The following YPEL2 variants were observed in gnomAD, a reference collection of about 807,000 sequenced individuals.
The protein encoded by YPEL2 is yippee like 2.
In YPEL2, 2 loss-of-function variants were observed where a neutral mutation model predicts 19.1. The ratio of observed to expected loss-of-function variants is 0.10; its 90% CI spans 0.04 to 0.33. YPEL2 has a LOEUF of 0.33. Ranked by LOEUF, YPEL2 falls within the 10% of genes least tolerant of loss-of-function variation. The pLI, the probability that YPEL2 is intolerant of heterozygous loss-of-function variation, is 1.00. For missense variants in YPEL2, 66 were observed against 140.7 expected (o/e 0.47, Z 2.68); for synonymous variants, 52 against 50.0 (o/e 1.04, Z -0.17).
At chr17:59,333,048 A>G (rs555534176) in intron 1 of YPEL2, among the ~76,000 whole-genome samples, 24 of 152,168 alleles carry the variant, frequency 1.6e-4, no homozygotes, top group African/African-American at 5.8e-4. Context: ...AGTTCAGTAA[A>G]CCGCCTCACT....
chr17:59,386,752 A>G (rs2047982181), intron 2 of YPEL2, among the ~76,000 whole-genome samples: 1 of 152,016 alleles, frequency 6.6e-6, no homozygotes, highest in South Asian at 2.1e-4. Flanking sequence ...AGGCTTTGAC[A>G]CTCATAGCTG....
chr17:59,389,294 C>T, intron 3 of YPEL2, 66 bp from the exon 4 acceptor site: 1 of 1,435,918 alleles, frequency 7.0e-7, no homozygotes, highest in Non-Finnish European at 9.6e-7. Context: ...TTGCTGGAAG[C>T]TCAGCTTGAA....
At chr17:59,354,047 C>T (rs10853010) in intron 2 of YPEL2, 103,294 of 195,532 alleles carry the variant, frequency 0.53, 28,418 homozygotes, top group East Asian at 0.68. Context: ...CGTTAGGGCT[C>T]ATACATGAGG....
rs2048067582 is a variant in YPEL2 at position 59,400,862 on chromosome 17, T to G, written c.*3672T>G. 1 of 152,672 alleles carries G rather than the reference T, an allele frequency of 6.5e-6. No homozygotes were observed. The highest frequency in any genetic ancestry group is 1.9e-4 in the East Asian group (1 of 5,200). 9.5% of individuals were successfully genotyped at this position (152,672 alleles called of 1,614,324 possible). The stretch of plus-strand genomic sequence containing the variant: ...AGTTTTTCTTCTCTTTCTCTCTGGT[T>G]GTTTCTGTTTCTGAGTGGACCAACA... On this transcript the variant is annotated 3_prime_UTR_variant, in exon 5 of 5. Transcript: ENST00000312655.
Position 59,394,825 on chromosome 17 carries a change from G to A in YPEL2, c.271-2276G>A, listed in dbSNP as rs552619644. On this transcript the variant is annotated intron_variant, in intron 4 of 4. Transcript: ENST00000312655. ...TTGAGCACTGAGTGAACCAGACTCC[G>A]TCTGCAATCCCGGCACCTCGGGAGG... Among the ~76,000 whole-genome samples the A allele has an allele frequency of 1.5e-3, 221 of 152,352 alleles. 1 individual carries two copies. Among genetic ancestry groups the A allele is most frequent in the Non-Finnish European group, 2.3e-3 (156 of 68,038 alleles).
intron 4 of YPEL2, among the ~76,000 whole-genome samples, chr17:59,394,172 G>A (rs2048024466): frequency 6.6e-6 from 1 of 151,820 alleles, no homozygotes; most frequent in Non-Finnish European, 1.5e-5. Flanking sequence ...CCCGGACGGG[G>A]CGGCTGGCCG....
At chr17:59,380,879 C>T (rs1260328175) in intron 2 of YPEL2, among the ~76,000 whole-genome samples, 1 of 152,190 alleles carries the variant, frequency 6.6e-6, no homozygotes, top group Non-Finnish European at 1.5e-5. Context: ...TTAATGGAGA[C>T]ATTGAATTGC....
At chr17:59,342,670 ACTGGTGTTGAAGGG>A (rs1174151306) in intron 1 of YPEL2, among the ~76,000 whole-genome samples, 1 of 152,180 alleles carries the variant, frequency 6.6e-6, no homozygotes, top group Non-Finnish European at 1.5e-5. Context: ...AAAAGGAAGG[ACTGGTGTTGAAGGG>A]CGGCAGTCTC....
At chr17:59,360,047 G>A (rs561987556) in intron 2 of YPEL2, among the ~76,000 whole-genome samples, 14 of 151,832 alleles carry the variant, frequency 9.2e-5, no homozygotes, top group Middle Eastern at 3.4e-3. Flanking sequence ...TTACAGGCAT[G>A]CGCCACCACA....
At chr17:59,389,733 C>T (rs1284177297) in intron 4 of YPEL2, among the ~76,000 whole-genome samples, 2 of 151,684 alleles carry the variant, frequency 1.3e-5, no homozygotes, top group African/African-American at 2.4e-5. Flanking sequence ...TACTCGACAG[C>T]TCACTAGATG....
chr17:59,371,706 T>A (rs1185480842), intron 2 of YPEL2, among the ~76,000 whole-genome samples: 1 of 152,232 alleles, frequency 6.6e-6, no homozygotes. Flanking sequence ...CATGCCTGGA[T>A]GCACCAGCCA....
At chr17:59,338,946 C>G (rs1255081292) in intron 1 of YPEL2, among the ~76,000 whole-genome samples, 1 of 152,154 alleles carries the variant, frequency 6.6e-6, no homozygotes, top group Non-Finnish European at 1.5e-5. Flanking sequence ...AGCAGCCAAC[C>G]CCACACATGA....
intron 2 of YPEL2, among the ~76,000 whole-genome samples, chr17:59,368,206 C>G (rs1017170772): frequency 1.3e-5 from 2 of 152,108 alleles, no homozygotes; most frequent in Non-Finnish European, 2.9e-5. Flanking sequence ...ACCTTAGTCT[C>G]CTGAGTAGCT....
chr17:59,366,538 G>C (rs2047870056), intron 2 of YPEL2, among the ~76,000 whole-genome samples: 1 of 152,170 alleles, frequency 6.6e-6, no homozygotes, highest in Non-Finnish European at 1.5e-5. Context: ...GCCTGAGCTA[G>C]CCCAGCCGAG....
chr17:59,361,906 T>C (rs2047842885), intron 2 of YPEL2, among the ~76,000 whole-genome samples: 1 of 152,042 alleles, frequency 6.6e-6, no homozygotes, highest in Non-Finnish European at 1.5e-5. Flanking sequence ...AAAAGGAGCA[T>C]CAGGAACAAA....
At chr17:59,332,305 C>A (rs1357514108) in intron 1 of YPEL2, among the ~76,000 whole-genome samples, 1 of 152,162 alleles carries the variant, frequency 6.6e-6, no homozygotes, top group Non-Finnish European at 1.5e-5. Context: ...AGGGGCGCCG[C>A]CCTGGGGGCC....
At chr17:59,348,237 A>G (rs2047766857) in intron 1 of YPEL2, among the ~76,000 whole-genome samples, 1 of 152,242 alleles carries the variant, frequency 6.6e-6, no homozygotes, top group Non-Finnish European at 1.5e-5. Flanking sequence ...ACACAGAGGC[A>G]TGCCTTGGGG....
chr17:59,381,994 A>C (rs1224487298), intron 2 of YPEL2, among the ~76,000 whole-genome samples: 1 of 152,168 alleles, frequency 6.6e-6, no homozygotes, highest in East Asian at 1.9e-4. Context: ...TGGGCCCCAC[A>C]GGATCCAGCA....
chr17:59,373,014 C>T (rs1962541209), intron 2 of YPEL2, among the ~76,000 whole-genome samples: 1 of 152,216 alleles, frequency 6.6e-6, no homozygotes, highest in Non-Finnish European at 1.5e-5. Context: ...GCTGGGATTA[C>T]AGGCGTGTGC....
Sources: gnomAD v4.1 joint callset for allele counts (sites outside exome capture counted in the v4.1 genomes callset) on GRCh38, gnomAD v4.1.1 for gene constraint, MANE v1.5 for transcripts, NCBI Gene and HGNC (gene_info 2026-07-23, HGNC 2026-07-21) for gene names.